SLC9A9: variants seen among roughly 807,000 people sequenced by gnomAD.
SLC9A9 encodes solute carrier family 9 member A9.
Under a neutral mutation model 77.8 loss-of-function variants are expected in SLC9A9, and 62 were observed. The ratio of observed to expected loss-of-function variants is 0.80; its 90% confidence interval spans 0.65 to 0.98. SLC9A9 has a LOEUF of 0.98. Ranked by LOEUF, SLC9A9 falls within the 50% of genes least tolerant of loss-of-function variation. SLC9A9 has a pLI of 0.00. For missense variants in SLC9A9, 775 were observed against 774.9 expected, an observed-to-expected ratio of 1.00 and a Z score of 0.00; for synonymous variants, 320 against 283.5, an observed-to-expected ratio of 1.13 and a Z score of -1.29.
At chr3:143,475,266 C>A (rs139281003) in intron 11 of SLC9A9, among the ~76,000 whole-genome samples, 5 of 151,832 alleles carry the variant, frequency 3.3e-5, no homozygotes, top group Admixed American at 1.3e-4. Flanking sequence ...TGTGCCTGGC[C>A]GTTTGTTTTT....
intron 6 of SLC9A9, among the ~76,000 whole-genome samples, chr3:143,609,372 T>C (rs1248751997): frequency 6.6e-6 from 1 of 152,180 alleles, no homozygotes; most frequent in East Asian, 1.9e-4. Flanking sequence ...ATGGGTGAAT[T>C]TTCTATAGAA....
Position 143,319,325 on chromosome 3 carries a change from G to T in SLC9A9, c.1604+44159C>A, listed in dbSNP as rs182079238. 9.9e-3 allele frequency among the ~76,000 whole-genome samples: 1,500 copies of T among 152,248 alleles called. 14 individuals carry two copies. The highest frequency in any genetic ancestry group is 0.02 in the Middle Eastern group (6 of 294). Reference sequence around the variant, plus strand: ...TCCTATAAATGTCCTTTTTGACCTTGGCAAACCACTTTGGCTGCTGCCTCA... The same window carrying T: ...TCCTATAAATGTCCTTTTTGACCTTTGCAAACCACTTTGGCTGCTGCCTCA... On this transcript the variant is annotated intron_variant, in intron 14 of 15. Transcript: ENST00000316549.
intron 11 of SLC9A9, among the ~76,000 whole-genome samples, chr3:143,490,058 G>C (rs933548434): frequency 6.6e-6 from 1 of 152,022 alleles, no homozygotes; most frequent in Non-Finnish European, 1.5e-5. Context: ...AGAACATTTG[G>C]GCACTGTTGG....
intron 12 of SLC9A9, among the ~76,000 whole-genome samples, chr3:143,388,640 A>G (rs575423491): frequency 4.6e-5 from 7 of 152,366 alleles, no homozygotes; most frequent in African/African-American, 1.7e-4. Flanking sequence ...TGTTATTATA[A>G]GAGAAATGTG....
intron 2 of SLC9A9, among the ~76,000 whole-genome samples, chr3:143,799,913 G>T (rs2008502956): frequency 6.6e-6 from 1 of 152,120 alleles, no homozygotes. Flanking sequence ...TGTTTCCTTT[G>T]CCTCCATAAC....
intron 11 of SLC9A9, among the ~76,000 whole-genome samples, chr3:143,484,272 G>A (rs1263515032): frequency 6.6e-6 from 1 of 152,176 alleles, no homozygotes; most frequent in African/African-American, 2.4e-5. Context: ...TCTGGGTTGA[G>A]TGGGTTTTGC....
intron 12 of SLC9A9, among the ~76,000 whole-genome samples, chr3:143,429,726 G>C (rs542227100): frequency 2.0e-5 from 3 of 150,498 alleles, no homozygotes; most frequent in Non-Finnish European, 4.4e-5. Flanking sequence ...CCCCTCCAGA[G>C]GGGGAGGCTG....
At chr3:143,389,681 G>A (rs1450219718) in intron 12 of SLC9A9, among the ~76,000 whole-genome samples, 1 of 152,198 alleles carries the variant, frequency 6.6e-6, no homozygotes, top group Non-Finnish European at 1.5e-5. Context: ...AACCCCCTCA[G>A]AGTTTTGTCT....
intron 9 of SLC9A9, among the ~76,000 whole-genome samples, chr3:143,508,924 T>G (rs1487196204): frequency 1.3e-5 from 2 of 152,234 alleles, no homozygotes; most frequent in Admixed American, 1.3e-4. Context: ...TTATACTATA[T>G]GTAAACAGTG....
chr3:143,727,733 T>G (rs2108807536), intron 4 of SLC9A9, among the ~76,000 whole-genome samples: 1 of 152,362 alleles, frequency 6.6e-6, no homozygotes, highest in Non-Finnish European at 1.5e-5. Flanking sequence ...ATTATTTTAC[T>G]GAGTACTTTC....
chr3:143,367,761 A>T (rs996438688), intron 13 of SLC9A9, among the ~76,000 whole-genome samples: 2 of 152,148 alleles, frequency 1.3e-5, no homozygotes, highest in African/African-American at 4.8e-5. Context: ...AGGACAATAG[A>T]TGTGAGCAGT....
intron 1 of SLC9A9, among the ~76,000 whole-genome samples, chr3:143,843,035 AT>A (rs1415905378): frequency 6.6e-6 from 1 of 152,034 alleles, no homozygotes; most frequent in Non-Finnish European, 1.5e-5. Flanking sequence ...GCCCAAAATA[AT>A]GCATCTAGCT....
chr3:143,704,421 A>T (rs182505571), intron 4 of SLC9A9, among the ~76,000 whole-genome samples: 3 of 152,342 alleles, frequency 2.0e-5, no homozygotes, highest in African/African-American at 7.2e-5. Context: ...GTCTCAACAT[A>T]TGCAAATAAA....
At chr3:143,616,130 G>T (rs552341618) in intron 6 of SLC9A9, among the ~76,000 whole-genome samples, 37 of 152,030 alleles carry the variant, frequency 2.4e-4, no homozygotes, top group African/African-American at 8.9e-4. Context: ...TGATCCGCCC[G>T]CCTCGGCCTC....
intron 9 of SLC9A9, among the ~76,000 whole-genome samples, chr3:143,543,267 G>A (rs182233186): frequency 2.6e-5 from 4 of 152,012 alleles, no homozygotes; most frequent in African/African-American, 9.7e-5. Context: ...TCTTCCACAC[G>A]CTTCCCTTCA....
chr3:143,819,535 C>T (rs560092834), intron 2 of SLC9A9, among the ~76,000 whole-genome samples: 2 of 152,208 alleles, frequency 1.3e-5, no homozygotes, highest in African/African-American at 4.8e-5. Flanking sequence ...ACTTTGGTTC[C>T]TCCTCTGTAG....
chr3:143,496,363 T>C (rs2035833422), intron 9 of SLC9A9, among the ~76,000 whole-genome samples: 1 of 152,248 alleles, frequency 6.6e-6, no homozygotes, highest in South Asian at 2.1e-4. Context: ...ACTCCATTCC[T>C]GGACCTACAT....
At chr3:143,391,452 C>A (rs545670360) in intron 12 of SLC9A9, among the ~76,000 whole-genome samples, 63 of 152,296 alleles carry the variant, frequency 4.1e-4, no homozygotes, top group African/African-American at 1.5e-3. Context: ...CCCATCTGTA[C>A]GTCACCATCA....
chr3:143,661,202 C>T (rs527805181), intron 5 of SLC9A9, among the ~76,000 whole-genome samples: 2 of 152,246 alleles, frequency 1.3e-5, no homozygotes, highest in South Asian at 4.2e-4. Context: ...GCAGCTCTCA[C>T]CATAGAAGCA....
Sources: allele counts gnomAD v4.1 joint callset (sites outside exome capture counted in the v4.1 genomes callset), GRCh38; gene constraint gnomAD v4.1.1; transcripts MANE v1.5; gene names NCBI Gene and HGNC (gene_info 2026-07-23, HGNC 2026-07-21).